MSH5: variants seen among roughly 807,000 people sequenced by gnomAD.
MSH5 encodes the protein mutS homolog 5.
In MSH5, 78 loss-of-function variants were observed where a neutral mutation model predicts 107.7. The ratio of observed to expected loss-of-function variants is 0.72; its 90% CI spans 0.60 to 0.87. MSH5 has a LOEUF of 0.87. MSH5 is among the 40% of genes least tolerant of loss of function. The pLI is 0.00. For missense variants in MSH5, 889 were observed against 1,046.6 expected (o/e 0.85, Z 2.08); for synonymous variants, 326 against 399.5 (o/e 0.82, Z 2.19).
intron 10 of MSH5, 126 bp downstream of exon 10, chr6:31,747,558 A>T: frequency 1.1e-6 from 1 of 882,816 alleles, no homozygotes. Flanking sequence ...TAGTAAAGCA[A>T]CTGCCCTTTA....
rs2151331312 is a variant in MSH5 at position 31,741,295 on chromosome 6, G to A, written c.271+9G>A. The A allele has an allele frequency of 6.3e-7, 1 of 1,583,364 alleles. No homozygotes were observed. Among genetic ancestry groups the A allele is most frequent in the South Asian group, 1.1e-5 (1 of 90,630 alleles). On this transcript the variant is annotated intron_variant, in intron 3 of 24. Transcript: ENST00000375750. The stretch of plus-strand genomic sequence containing the variant: ...CAAGCTTCTCCAGAGAGGTGGGGAT[G>A]GAACCATGAATTCCTCTGCTCTCTG...
rs1369247283 is a variant in MSH5 at position 31,760,217 on chromosome 6, G to A, written c.1812+1G>A. On this transcript the variant is annotated splice_donor_variant, in intron 19 of 24. Coordinates refer to ENST00000375750, the MANE Select transcript of MSH5 (RefSeq NM_172166.4). LOFTEE classifies it high-confidence loss of function. The surrounding 1 kb of genome is among the most constrained non-coding windows in gnomAD (Gnocchi z 5.6). ...AGGGAAGAGCATATACCTCAAACAG[G>A]TGAGGAGAAGCCCTGCAGCCTGGGC... 2 of 1,586,722 alleles carry A rather than the reference G, an allele frequency of 1.3e-6. No individual in the cohort carries two copies. The highest frequency in any genetic ancestry group is 1.7e-6 in the Non-Finnish European group (2 of 1,168,816).
In MSH5 at chr6:31,760,662, C is replaced by A. The variant is rs561747054; in HGVS notation, c.1813-28C>A. 1.9e-6 allele frequency: 3 copies of A among 1,612,550 alleles called. No individual in the cohort carries two copies. Among genetic ancestry groups the A allele is most frequent in the Non-Finnish European group, 2.5e-6 (3 of 1,180,050 alleles). ...TTCACCTCAGCCCACGGCACCAGGC[C>A]CCAGGCCCTGTCTCCTTCCCTATTC... On this transcript the variant is annotated intron_variant, in intron 19 of 24. Coordinates refer to ENST00000375750, the MANE Select transcript of MSH5 (RefSeq NM_172166.4). This position sits in a 1 kb window ranked among gnomAD's most constrained non-coding sequence, Gnocchi z 5.6.
chr6:31,753,670 G>A, intron 12 of MSH5, 41 bp downstream of exon 12: 1 of 1,583,278 alleles, frequency 6.3e-7, no homozygotes. Context: ...CCAGGTAAAG[G>A]CCCTCAGCCT....
At chr6:31,744,847 C>T (rs986289689) in intron 8 of MSH5, among the ~76,000 whole-genome samples, 3 of 151,806 alleles carry the variant, frequency 2.0e-5, no homozygotes, top group East Asian at 3.9e-4. Context: ...GGCGCGGTGG[C>T]TCATGCCTGT....
intron 8 of MSH5, 78 bp from the exon 9 acceptor site, chr6:31,745,159 A>AT: frequency 1.2e-6 from 1 of 832,612 alleles, no homozygotes; most frequent in African/African-American, 1.7e-5. Flanking sequence ...CCCTGTCCCC[A>AT]TTCCATTTAT....
rs767054990 is a variant in MSH5 at position 31,744,307 on chromosome 6, AT to A, written c.647+10del. ...CTTTAAGAAATTTATGTTGTAGGTG[AT>A]TCACCCCAACCCCAACCAAAGTAAT... On this transcript the variant is annotated intron_variant, in intron 7 of 24. Transcript: ENST00000375750. 9 of 1,613,956 alleles carry A rather than the reference AT, an allele frequency of 5.6e-6. No individual in the cohort carries two copies. In the East Asian group the frequency reaches 2.0e-4, roughly 36 times the overall value.
rs1175726173 is a variant in MSH5, at chr6:31,761,211, C to T, written c.1986C>T (p.Ala662=). ...LNQVAKAVNN[A]TAQSLVLIDE... ...AGGTGGCGAAAGCAGTGAACAATGCCACTGCACAGTCGCTGGTCCTTATTG... is the reference window on the plus strand; with the variant it reads ...AGGTGGCGAAAGCAGTGAACAATGCTACTGCACAGTCGCTGGTCCTTATTG... Residue 662 remains alanine (A), a synonymous_variant, in exon 21 of 25, where the codon GCC becomes GCT. Coordinates refer to ENST00000375750, the MANE Select transcript of MSH5 (RefSeq NM_172166.4). The surrounding 1 kb of genome is among the most constrained non-coding windows in gnomAD (Gnocchi z 5.3). 6.2e-7 allele frequency: 1 copy of T among 1,613,988 alleles called. No individual in the cohort carries two copies. The highest frequency in any genetic ancestry group is 8.5e-7 in the Non-Finnish European group (1 of 1,180,018).
At position 31,758,316 on chromosome 6, in the gene MSH5, TG is replaced by T; in HGVS notation, c.1143+24del. 1 of 1,610,936 alleles carries T rather than the reference TG, an allele frequency of 6.2e-7. No individual in the cohort carries two copies. The highest frequency in any genetic ancestry group is 8.5e-7 in the Non-Finnish European group (1 of 1,178,890). On this transcript the variant is annotated intron_variant, in intron 13 of 24. Coordinates refer to ENST00000375750, the MANE Select transcript of MSH5 (RefSeq NM_172166.4). The surrounding 1 kb of genome is among the most constrained non-coding windows in gnomAD (Gnocchi z 5.1). Reference sequence around the variant, plus strand: ...GTAGTGAGTAGAAGGAAAAAGGGAGTGCACCCAGGGAGGTCAGGGAGAGAGA... The same window carrying T: ...GTAGTGAGTAGAAGGAAAAAGGGAGTCACCCAGGGAGGTCAGGGAGAGAGA...
intron 10 of MSH5, 49 bp from the exon 11 acceptor site, chr6:31,753,252 A>G: frequency 1.3e-6 from 2 of 1,555,440 alleles, no homozygotes. Flanking sequence ...ACTGAGATCA[A>G]GATGATAGAT....
Position 31,759,118 on chromosome 6 carries a change from C to G in MSH5, c.1348C>G (p.Pro450Ala). ...CCAGATTGGCTTCCTTCTTTCTATT[C>G]CCCGCCTGCCTTCCATGGTAGAGGC... ...IPLIGFLLSIPRLPSMVEASD... is the reference protein window; with the variant it reads ...IPLIGFLLSIARLPSMVEASD... The change falls in exon 16 of 25, where the codon CCC becomes GCC. Residue 450 changes from proline to alanine, a missense_variant. Around this residue, in one of 3 missense-constraint regions of MSH5, gnomAD observed 518 missense variants for 565.0 expected, o/e 0.92. Coordinates refer to ENST00000375750, the MANE Select transcript of MSH5 (RefSeq NM_172166.4). This position sits in a 1 kb window ranked among gnomAD's most constrained non-coding sequence, Gnocchi z 4.7. The G allele has an allele frequency of 1.2e-6, 2 of 1,612,952 alleles. No homozygotes were observed. Among genetic ancestry groups the G allele is most frequent in the South Asian group, 2.2e-5 (2 of 91,080 alleles).
chr6:31,747,237 C>A, intron 9 of MSH5, 150 bp from the exon 10 acceptor site: 1 of 725,198 alleles, frequency 1.4e-6, no homozygotes, highest in Non-Finnish European at 2.4e-6. Flanking sequence ...TGTGGCCAGG[C>A]ACCAGCTTTG....
chr6:31,742,160 C>T (rs1808974223), intron 3 of MSH5, among the ~76,000 whole-genome samples: 1 of 152,174 alleles, frequency 6.6e-6, no homozygotes, highest in South Asian at 2.1e-4. Flanking sequence ...AGCACTGACT[C>T]AATATATTTT....
At position 31,759,190 on chromosome 6, in the gene MSH5, A is replaced by T; in HGVS notation, c.1407+13A>T. On this transcript the variant is annotated intron_variant, in intron 16 of 24. Transcript: ENST00000375750. The surrounding 1 kb of genome is among the most constrained non-coding windows in gnomAD (Gnocchi z 4.7). ...ACTGGACTTCATGGTAAGACCCTCA[A>T]CCTCTGTAAGGTGAGTGATGAGGAA... is the stretch of plus-strand genomic sequence containing the variant. 1 of 1,609,260 alleles carries T rather than the reference A, an allele frequency of 6.2e-7. No individual in the cohort carries two copies. The highest frequency in any genetic ancestry group is 8.5e-7 in the Non-Finnish European group (1 of 1,176,982).
chr6:31,754,962 C>T (rs1810315072), intron 12 of MSH5, among the ~76,000 whole-genome samples: 2 of 152,134 alleles, frequency 1.3e-5, no homozygotes, highest in African/African-American at 2.4e-5. Context: ...CCATGTTGGC[C>T]AGGATGGTCT....
Position 31,741,238 on chromosome 6 carries a change from T to C in MSH5, c.223T>C (p.Phe75Leu). The C allele has an allele frequency of 6.2e-7, 1 of 1,612,736 alleles. No homozygotes were observed. ...TGATACTAGTGACTCCACTATCCAC[T>C]TCATGCCAGATGCCCCAGACCACGA... The part of the protein sequence containing the change: ...YYDTSDSTIH[F>L]MPDAPDHESL... Residue 75 changes from phenylalanine (F) to leucine (L), a missense_variant, in exon 3 of 25, where the codon TTC becomes CTC. Transcript: ENST00000375750.
intron 12 of MSH5, among the ~76,000 whole-genome samples, chr6:31,756,068 T>C (rs1810421639): frequency 6.6e-6 from 1 of 152,098 alleles, no homozygotes; most frequent in South Asian, 2.1e-4. Context: ...TCAATACTGT[T>C]TTAGAAGTAG....
rs952525164 is a variant in MSH5 at position 31,762,441 on chromosome 6, G to A, written c.2415G>A (p.Lys805=). ...QMENCQTLVD[K]FMKLDLEDPN... is the part of the protein sequence containing the mutation. ...TCAGTTGCCAGACATTAGTGGATAA[G>A]TTTATGAAACTGGATTTGGAAGATC... Residue 805 remains lysine, a synonymous_variant, in exon 25 of 25, where the codon AAG becomes AAA. Coordinates refer to ENST00000375750, the MANE Select transcript of MSH5 (RefSeq NM_172166.4). 8 of 1,613,816 alleles carry A rather than the reference G, an allele frequency of 5.0e-6. No individual in the cohort carries two copies. In the African/African-American group the frequency reaches 5.3e-5, roughly 11 times the overall value.
chr6:31,748,978 C>T (rs1042225886), intron 10 of MSH5, among the ~76,000 whole-genome samples: 5 of 149,020 alleles, frequency 3.4e-5, no homozygotes, highest in African/African-American at 9.9e-5. Context: ...TGCAGTGGCG[C>T]GGTCTTTGCT....
Sources: allele counts gnomAD v4.1 joint callset (sites outside exome capture counted in the v4.1 genomes callset), GRCh38; gene constraint gnomAD v4.1.1; regional missense constraint gnomAD v4.1.1; non-coding constraint Gnocchi (gnomAD v3.1); transcripts MANE v1.5; gene names NCBI Gene and HGNC (gene_info 2026-07-23, HGNC 2026-07-21).